CLPTM1L: variants seen among roughly 807,000 people sequenced by gnomAD.
CLPTM1L encodes lipid scramblase CLPTM1L.
Under a neutral mutation model 70.9 loss-of-function variants are expected in CLPTM1L, and 38 were observed. The observed-to-expected ratio is 0.54, with a 90% CI of 0.41 to 0.70. CLPTM1L has a LOEUF of 0.70. CLPTM1L is among the 30% of genes least tolerant of loss of function. The pLI is 0.00. For missense variants in CLPTM1L, 652 were observed against 705.9 expected (o/e 0.92, Z 0.87); for synonymous variants, 339 against 299.9 (o/e 1.13, Z -1.35).
At position 1,342,035 on chromosome 5, in the gene CLPTM1L, T is replaced by TGC. The variant is rs1473091594; in HGVS notation, c.264-176_264-175insGC. ...GTGTGTGTGTGTGTGTGTGTGTGTG[T>TGC]GTGTGCACGCGCACGCGTGCGCGTC... On this transcript the variant is annotated intron_variant, in intron 2 of 16. Transcript: ENST00000320895. The surrounding 1 kb of genome is among the most constrained non-coding windows in gnomAD (Gnocchi z 4.3). Among the ~76,000 whole-genome samples, 14 of 130,408 alleles carry TGC rather than the reference T, an allele frequency of 1.1e-4. No individual in the cohort carries two copies. Among genetic ancestry groups the TGC allele is most frequent in the African/African-American group, 2.5e-4 (7 of 27,974 alleles). The allele number at this position is 130,408 out of a possible 152,430, so 85.6% of individuals were successfully genotyped here. A position where few individuals can be genotyped will look rare whatever the true frequency, so the allele number is the denominator to read the frequency against.
In CLPTM1L at chr5:1,330,287, G is replaced by A. The variant is rs1183289892; in HGVS notation, c.1073C>T (p.Ala358Val). The A allele has an allele frequency of 1.2e-6, 2 of 1,612,578 alleles. No individual in the cohort carries two copies. Among genetic ancestry groups the A allele is most frequent in the Admixed American group, 3.3e-5 (2 of 60,020 alleles). The change falls in exon 9 of 17, where the codon GCC becomes GTC. Residue 358 changes from alanine (A) to valine (V), a missense_variant. By Grantham distance (64) the Ala-to-Val change is moderately conservative. Transcript: ENST00000320895. ...TCACTGCCCGGAACTCACCTCAATGGCGGCTCCAACACCCGCCGGGACCAG... is the reference window on the plus strand; with the variant it reads ...TCACTGCCCGGAACTCACCTCAATGACGGCTCCAACACCCGCCGGGACCAG... ...LVLVPAGVGA[A>V]IELWKVKKAL...
At chr5:1,333,572 GGGGAGAC>G (rs1753308489) in intron 7 of CLPTM1L, among the ~76,000 whole-genome samples, 2 of 151,336 alleles carry the variant, frequency 1.3e-5, no homozygotes, top group African/African-American at 2.4e-5. Context: ...ATGAGGATAA[GGGGAGAC>G]TACTGTATAC....
rs1753035830 is a variant in CLPTM1L at position 1,330,742 on chromosome 5, C to G, written c.977-359G>C. On this transcript the variant is annotated intron_variant, in intron 8 of 16. Transcript: ENST00000320895. ...GTGATAAGTGCGTGGCTTTTCAAGT[C>G]TGGATTTGTTTCCTCCCCAGCTGTA... 3.1e-5 allele frequency: 7 copies of G among 224,184 alleles called. No homozygotes were observed. In the East Asian group the frequency reaches 6.8e-4, roughly 22 times the overall value. The allele number at this position is 224,184 out of a possible 1,614,324, so 13.9% of individuals were successfully genotyped here. A position where few individuals can be genotyped will look rare whatever the true frequency, so the allele number is the denominator to read the frequency against.
At position 1,342,412 on chromosome 5, in the gene CLPTM1L, CCTGA is replaced by C. The variant is rs1754008043; in HGVS notation, c.264-556_264-553del. On this transcript the variant is annotated intron_variant, in intron 2 of 16. Coordinates refer to ENST00000320895, the MANE Select transcript of CLPTM1L (RefSeq NM_030782.5). This position sits in a 1 kb window ranked among gnomAD's most constrained non-coding sequence, Gnocchi z 4.3. The stretch of plus-strand genomic sequence containing the variant: ...AGGACTGACTTTCAAGGCTGTCAGT[CCTGA>C]CTGTGTGGCATCCAGCACGAGCTGA... Among the ~76,000 whole-genome samples the C allele has an allele frequency of 6.6e-6, 1 of 152,304 alleles. No homozygotes were observed. The highest frequency in any genetic ancestry group is 6.5e-5 in the Admixed American group (1 of 15,300).
intron 11 of CLPTM1L, 34 bp downstream of exon 11, chr5:1,324,729 G>A (rs1752408571): frequency 6.3e-7 from 1 of 1,597,604 alleles, no homozygotes; most frequent in South Asian, 1.1e-5. Context: ...GGATTTGCCT[G>A]GCATGCACGT....
rs1307779559 is a variant in CLPTM1L, at chr5:1,335,145, G to A, written c.708C>T (p.Pro236=). 3 of 1,613,704 alleles carry A rather than the reference G, an allele frequency of 1.9e-6. No homozygotes were observed. Among genetic ancestry groups the A allele is most frequent in the Admixed American group, 1.7e-5 (1 of 60,036 alleles). Residue 236 remains proline (P), a synonymous_variant, in exon 6 of 17, where the codon CCC becomes CCT. Transcript: ENST00000320895. ...AGACCTTGTCGTAGGACACGGTGAG[G>A]GGCAGCTCGGTGGTGGAGCGGTTTA... is the stretch of plus-strand genomic sequence containing the variant. ...MVINRSTTEL[P]LTVSYDKVSL...
chr5:1,324,932 G>A, intron 10 of CLPTM1L, 119 bp from the exon 11 acceptor site: 1 of 882,622 alleles, frequency 1.1e-6, no homozygotes, highest in South Asian at 1.4e-5. Context: ...CACTACAGAG[G>A]GCGCTCAGGT....
intron 4 of CLPTM1L, 135 bp from the exon 5 acceptor site, chr5:1,338,117 C>T (rs1273038652): frequency 4.2e-6 from 3 of 709,522 alleles, no homozygotes; most frequent in Non-Finnish European, 7.5e-6. Flanking sequence ...GTCACAATGA[C>T]CCCAGGGCAC....
intron 8 of CLPTM1L, 62 bp from the exon 9 acceptor site, chr5:1,330,445 G>C: frequency 7.3e-7 from 1 of 1,365,232 alleles, no homozygotes; most frequent in South Asian, 1.2e-5. Flanking sequence ...TGTTCCCCAA[G>C]TCACACACAT....
At chr5:1,323,060 G>A (rs1489670260) in intron 12 of CLPTM1L, 149 bp from the exon 13 acceptor site, 2 of 791,082 alleles carry the variant, frequency 2.5e-6, no homozygotes, top group Admixed American at 2.2e-5. Context: ...GCAGTGCTGA[G>A]CCTGGTTCTC....
intron 7 of CLPTM1L, among the ~76,000 whole-genome samples, chr5:1,333,660 CGGCTG>C (rs1753327798): frequency 9.2e-5 from 8 of 86,766 alleles, no homozygotes; most frequent in Admixed American, 1.6e-4. Context: ...GTATACACAC[CGGCTG>C]AGGATAAGGG....
intron 16 of CLPTM1L, 160 bp downstream of exon 16, chr5:1,320,455 GA>G: frequency 2.1e-6 from 1 of 487,714 alleles, no homozygotes; most frequent in Non-Finnish European, 3.7e-6. Flanking sequence ...TGGGCAACTG[GA>G]ACCCAAGTTT....
Position 1,323,875 on chromosome 5 carries a change from G to A in CLPTM1L, c.1198-6C>T, listed in dbSNP as rs747095800. 3 of 1,611,810 alleles carry A rather than the reference G, an allele frequency of 1.9e-6. No individual in the cohort carries two copies. Among genetic ancestry groups the A allele is most frequent in the African/African-American group, 1.3e-5 (1 of 74,884 alleles). ...TATGACAAGTACTTCATGGCCTGCA[G>A]GGAACAAAGATGGCTTCCAGTTAGA... is the stretch of plus-strand genomic sequence containing the variant. On this transcript the variant is annotated splice_polypyrimidine_tract_variant and splice_region_variant and intron_variant, in intron 11 of 16. Coordinates refer to ENST00000320895, the MANE Select transcript of CLPTM1L (RefSeq NM_030782.5).
In CLPTM1L at chr5:1,337,894, T is replaced by TGTCACTCACCATCAGGTC. The variant is rs1753680524; in HGVS notation, c.670_678+9dup. 1.8e-5 allele frequency: 29 copies of TGTCACTCACCATCAGGTC among 1,580,778 alleles called. No individual in the cohort carries two copies. The highest frequency in any genetic ancestry group is 2.5e-5 in the Non-Finnish European group (29 of 1,165,998). On this transcript the variant is annotated intron_variant, in intron 5 of 16. Coordinates refer to ENST00000320895, the MANE Select transcript of CLPTM1L (RefSeq NM_030782.5). ...CAGCTGCACAACCAGCGGGCAGAGGTGTCACTCACCATCAGGTCCTTCACG... is the reference window on the plus strand; with the variant it reads ...CAGCTGCACAACCAGCGGGCAGAGGTGTCACTCACCATCAGGTCGTCACTCACCATCAGGTCCTTCACG...
chr5:1,326,018 G>C lies in CLPTM1L; in HGVS notation c.1081-202C>G, dbSNP rs1335567748. Reference sequence around the variant, plus strand: ...AACCCACACACGGCAGGCGTACCTGGTCAGGTGGGCTGCACAGCCACCGCC... The same window carrying C: ...AACCCACACACGGCAGGCGTACCTGCTCAGGTGGGCTGCACAGCCACCGCC... On this transcript the variant is annotated intron_variant, in intron 9 of 16. Coordinates refer to ENST00000320895, the MANE Select transcript of CLPTM1L (RefSeq NM_030782.5). The C allele has an allele frequency of 1.4e-5, 8 of 569,410 alleles. No individual in the cohort carries two copies. The African/African-American group carries it at 1.5e-4, about 11-fold the overall frequency. The allele number at this position is 569,410 out of a possible 1,614,324, so 35.3% of individuals were successfully genotyped here.
intron 7 of CLPTM1L, among the ~76,000 whole-genome samples, chr5:1,332,588 C>T (rs1421063052): frequency 6.6e-6 from 1 of 152,232 alleles, no homozygotes; most frequent in African/African-American, 2.4e-5. Flanking sequence ...TCCCTAGCAG[C>T]TCAGCTCCAC....
At chr5:1,334,082 T>G (rs998903367) in intron 7 of CLPTM1L, among the ~76,000 whole-genome samples, 1 of 152,120 alleles carries the variant, frequency 6.6e-6, no homozygotes, top group African/African-American at 2.4e-5. Flanking sequence ...TTATGGTCCC[T>G]CCCTTTTCAG....
chr5:1,333,844 C>T (rs978547336), intron 7 of CLPTM1L, among the ~76,000 whole-genome samples: 2 of 151,942 alleles, frequency 1.3e-5, no homozygotes, highest in Admixed American at 6.5e-5. Context: ...TGACTTTTTA[C>T]ATTTAAAAAT....
At position 1,344,912 on chromosome 5, in the gene CLPTM1L, C is replaced by T. The variant is rs1368129699; in HGVS notation, c.-71G>A. On this transcript the variant is annotated 5_prime_UTR_variant, in exon 1 of 17. Coordinates refer to ENST00000320895, the MANE Select transcript of CLPTM1L (RefSeq NM_030782.5). ...CGAGCCCCGCCCGCCCGGCGCCCAGCCCGCCGCTCCGGGCTCCGCCGCTCA... is the reference window on the plus strand; with the variant it reads ...CGAGCCCCGCCCGCCCGGCGCCCAGTCCGCCGCTCCGGGCTCCGCCGCTCA... The T allele has an allele frequency of 7.5e-5, 68 of 903,252 alleles. 1 individual carries two copies. In the South Asian group the frequency reaches 1.6e-3, roughly 21 times the overall value. The allele number at this position is 903,252 out of a possible 1,614,324, so 56.0% of individuals were successfully genotyped here.
Sources: gnomAD v4.1 joint callset for allele counts (sites outside exome capture counted in the v4.1 genomes callset) on GRCh38, gnomAD v4.1.1 for gene constraint, Gnocchi (gnomAD v3.1) non-coding constraint, MANE v1.5 for transcripts, NCBI Gene and HGNC (gene_info 2026-07-23, HGNC 2026-07-21) for gene names.